The following ADGB variants were observed in gnomAD, a reference collection of about 807,000 sequenced individuals.
ADGB encodes androglobin, also known as calpain-7-like protein.
ADGB carries 172 observed loss-of-function variants against 210.5 expected under a neutral mutation model. The observed-to-expected ratio is 0.82, with a 90% CI of 0.72 to 0.93. The LOEUF (loss-of-function observed/expected upper bound fraction) is 0.93, where lower values mean the gene tolerates loss of function less well. Among genes scored for constraint, ADGB ranks in the 40% least tolerant of loss-of-function variants. The pLI, the probability that ADGB is intolerant of heterozygous loss-of-function variation, is 0.00. For missense variants in ADGB, 2,025 were observed against 1,964.8 expected (o/e 1.03, Z -0.58); for synonymous variants, 658 against 662.7 (o/e 0.99, Z 0.11).
intron 13 of ADGB, among the ~76,000 whole-genome samples, chr6:146,714,837 G>A (rs1473984967): frequency 1.3e-5 from 2 of 152,038 alleles, no homozygotes; most frequent in East Asian, 3.8e-4. Flanking sequence ...CCTGTAATTA[G>A]CCTGTATGAG....
intron 25 of ADGB, among the ~76,000 whole-genome samples, chr6:146,742,179 G>A (rs73786727): frequency 6.6e-6 from 1 of 151,916 alleles, no homozygotes; most frequent in African/African-American, 2.4e-5. Flanking sequence ...AAAAATAAGG[G>A]CAATTAAATT....
intron 10 of ADGB, among the ~76,000 whole-genome samples, chr6:146,687,786 TA>T (rs1562274488): frequency 6.6e-6 from 1 of 151,884 alleles, no homozygotes; most frequent in African/African-American, 2.4e-5. Flanking sequence ...ATAAAGAAAA[TA>T]AAAAAGAACA....
At chr6:146,718,058 C>T (rs1387560944) in intron 16 of ADGB, among the ~76,000 whole-genome samples, 1 of 152,074 alleles carries the variant, frequency 6.6e-6, no homozygotes, top group African/African-American at 2.4e-5. Context: ...CAGCTAATGC[C>T]TAGAAATCCT....
chr6:146,747,578 A>T (rs1041080154), intron 26 of ADGB, among the ~76,000 whole-genome samples: 3 of 152,078 alleles, frequency 2.0e-5, no homozygotes, highest in Admixed American at 2.0e-4. Context: ...GGCATGCTAT[A>T]GTAAGTAGTA....
intron 11 of ADGB, among the ~76,000 whole-genome samples, 172 bp downstream of exon 11, chr6:146,691,462 AT>A (rs1776320444): frequency 7.1e-5 from 1 of 14,072 alleles, no homozygotes; most frequent in African/African-American, 5.8e-4. Context: ...ATATATAAAA[AT>A]ATATATATAT....
intron 1 of ADGB, among the ~76,000 whole-genome samples, chr6:146,602,289 C>A (rs1283870336): frequency 6.6e-6 from 1 of 152,148 alleles, no homozygotes; most frequent in Non-Finnish European, 1.5e-5. Flanking sequence ...GTCCTGTTCT[C>A]CCTTCCCTGC....
At chr6:146,761,438 A>G (rs551300655) in intron 27 of ADGB, among the ~76,000 whole-genome samples, 1 of 152,128 alleles carries the variant, frequency 6.6e-6, no homozygotes, top group South Asian at 2.1e-4. Context: ...GGATCAGTTG[A>G]TCTAAATAAC....
At chr6:146,669,791 C>T (rs1353813633) in intron 7 of ADGB, among the ~76,000 whole-genome samples, 1 of 152,044 alleles carries the variant, frequency 6.6e-6, no homozygotes, top group Admixed American at 6.6e-5. Flanking sequence ...TGCCCGAACT[C>T]TAGACTGTAT....
chr6:146,802,560 A>G (rs182249080), intron 35 of ADGB: 2 of 456,510 alleles, frequency 4.4e-6, no homozygotes, highest in East Asian at 4.4e-5. Context: ...TGAACAATCT[A>G]CATAGTGCAC....
chr6:146,717,506 A>C, intron 15 of ADGB, 30 bp from the exon 16 acceptor site: 1 of 1,226,902 alleles, frequency 8.2e-7, no homozygotes, highest in Non-Finnish European at 1.1e-6. Flanking sequence ...CTATAATGAC[A>C]ATAACCTGTT....
At chr6:146,743,650 A>G (rs2114601555) in intron 25 of ADGB, among the ~76,000 whole-genome samples, 1 of 152,350 alleles carries the variant, frequency 6.6e-6, no homozygotes, top group East Asian at 1.9e-4. Context: ...GCAGTGGCTC[A>G]TGCCCATAAT....
chr6:146,617,630 A>G (rs1311491908), intron 1 of ADGB, among the ~76,000 whole-genome samples: 1 of 151,790 alleles, frequency 6.6e-6, no homozygotes, highest in Non-Finnish European at 1.5e-5. Flanking sequence ...TGCGCAATTT[A>G]TGTAGAGTTT....
chr6:146,681,103 T>G (rs1776151367), intron 9 of ADGB, among the ~76,000 whole-genome samples: 1 of 152,138 alleles, frequency 6.6e-6, no homozygotes, highest in Non-Finnish European at 1.5e-5. Context: ...GTCCAGGATA[T>G]ATTTTGGATA....
intron 2 of ADGB, among the ~76,000 whole-genome samples, chr6:146,637,060 A>G (rs776148899): frequency 1.3e-4 from 20 of 152,032 alleles, no homozygotes; most frequent in Non-Finnish European, 2.8e-4. Flanking sequence ...TAAGGTTATT[A>G]TAAGGGACAC....
intron 32 of ADGB, 54 bp downstream of exon 32, chr6:146,785,766 C>T: frequency 7.8e-7 from 1 of 1,287,830 alleles, no homozygotes; most frequent in Non-Finnish European, 1.1e-6. Context: ...GTGATTTGCA[C>T]TTCTTAAAAA....
chr6:146,761,017 G>T (rs902995452), intron 27 of ADGB, among the ~76,000 whole-genome samples: 3 of 151,832 alleles, frequency 2.0e-5, no homozygotes, highest in Admixed American at 2.0e-4. Context: ...TCAAATGTAT[G>T]CTTTGCCAAT....
intron 10 of ADGB, among the ~76,000 whole-genome samples, chr6:146,690,409 T>C (rs1209380670): frequency 6.6e-6 from 1 of 152,244 alleles, no homozygotes; most frequent in Non-Finnish European, 1.5e-5. Flanking sequence ...AAGTAAGCTG[T>C]GAACATCAGA....
chr6:146,638,402 C>A (rs1341087798), intron 2 of ADGB, among the ~76,000 whole-genome samples: 1 of 151,670 alleles, frequency 6.6e-6, no homozygotes, highest in African/African-American at 2.4e-5. Flanking sequence ...GGCACATATA[C>A]CCCATGGAAT....
intron 2 of ADGB, 84 bp from the exon 3 acceptor site, chr6:146,644,689 A>C (rs997590923): frequency 1.2e-6 from 1 of 807,408 alleles, no homozygotes; most frequent in African/African-American, 1.8e-5. Flanking sequence ...GACCAAATCT[A>C]TGCACTTATT....
Sources: allele counts gnomAD v4.1 joint callset (sites outside exome capture counted in the v4.1 genomes callset), GRCh38; gene constraint gnomAD v4.1.1; transcripts MANE v1.5; gene names NCBI Gene and HGNC (gene_info 2026-07-23, HGNC 2026-07-21).